NRG1: variants seen among roughly 807,000 people sequenced by gnomAD.
The protein encoded by NRG1 is neuregulin 1, also known as pro-neuregulin-1, membrane-bound isoform.
Under a neutral mutation model 63.8 loss-of-function variants are expected in NRG1, and 18 were observed. The observed-to-expected ratio is 0.28, with a 90% CI of 0.19 to 0.42. The LOEUF (loss-of-function observed/expected upper bound fraction) is 0.42, where lower values mean the gene tolerates loss of function less well. Ranked by LOEUF, NRG1 falls within the 10% of genes least tolerant of loss-of-function variation. The pLI, the probability that NRG1 is intolerant of heterozygous loss-of-function variation, is 1.00. For missense variants in NRG1, 762 were observed against 814.7 expected, an observed-to-expected ratio of 0.94 and a Z score of 0.79; for synonymous variants, 302 against 301.3, an observed-to-expected ratio of 1.00 and a Z score of -0.02.
chr8:32,196,654 A>T (rs1378088874), intron 1 of NRG1, among the ~76,000 whole-genome samples: 1 of 152,144 alleles, frequency 6.6e-6, no homozygotes, highest in Admixed American at 6.5e-5. Flanking sequence ...GCCAACAAGA[A>T]AATAGTTTAA....
intron 1 of NRG1, among the ~76,000 whole-genome samples, chr8:31,866,190 T>A (rs1243323257): frequency 6.6e-6 from 1 of 152,178 alleles, no homozygotes; most frequent in Non-Finnish European, 1.5e-5. Context: ...TAACTCTAGT[T>A]CAGTATCATG....
At chr8:32,242,399 G>A (rs1367011920) in intron 1 of NRG1, among the ~76,000 whole-genome samples, 2 of 152,070 alleles carry the variant, frequency 1.3e-5, no homozygotes, top group African/African-American at 4.8e-5. Context: ...ACTTGAACCC[G>A]GGAGGCGGAG....
intron 1 of NRG1, among the ~76,000 whole-genome samples, chr8:32,056,890 G>T (rs985225218): frequency 1.3e-5 from 2 of 152,182 alleles, no homozygotes; most frequent in Non-Finnish European, 2.9e-5. Context: ...ATGGCAAAGA[G>T]ATAGTAAAGT....
chr8:32,548,940 C>A, intron 1 of NRG1, 114 bp downstream of exon 1: 1 of 1,329,500 alleles, frequency 7.5e-7, no homozygotes, highest in Non-Finnish European at 9.9e-7. Flanking sequence ...GTCCTCTTCG[C>A]CCTGCGCTCT....
intron 1 of NRG1, among the ~76,000 whole-genome samples, chr8:32,161,800 C>T (rs1422158668): frequency 3.3e-5 from 5 of 152,196 alleles, no homozygotes; most frequent in African/African-American, 4.8e-5. Context: ...TTCAAGGTCA[C>T]GCTGACGTTG....
At chr8:31,867,356 T>C (rs16878385) in intron 1 of NRG1, among the ~76,000 whole-genome samples, 9,063 of 152,210 alleles carry the variant, frequency 0.06, 344 homozygotes, top group Admixed American at 0.12. Context: ...GTTTAAGGGT[T>C]TTGCCTAACA....
At chr8:32,111,530 G>A (rs926471150) in intron 1 of NRG1, among the ~76,000 whole-genome samples, 1 of 152,180 alleles carries the variant, frequency 6.6e-6, no homozygotes, top group Non-Finnish European at 1.5e-5. Flanking sequence ...CATTTTGCTT[G>A]TCTAGCAGAC....
intron 1 of NRG1, among the ~76,000 whole-genome samples, chr8:31,862,497 T>C (rs565372708): frequency 6.6e-6 from 1 of 152,330 alleles, no homozygotes; most frequent in Non-Finnish European, 1.5e-5. Context: ...TCTTGTAAAC[T>C]ATTTGCTCTG....
Position 32,742,986 on chromosome 8 carries a change from A to G in NRG1, c.691+253A>G, listed in dbSNP as rs989283274. 2.3e-6 allele frequency: 3 copies of G among 1,314,178 alleles called. No individual in the cohort carries two copies. Among genetic ancestry groups the G allele is most frequent in the Admixed American group, 3.2e-5 (1 of 30,924 alleles). 81.4% of individuals were successfully genotyped at this position (1,314,178 alleles called of 1,614,324 possible). On this transcript the variant is annotated intron_variant, in intron 7 of 11. Transcript: ENST00000356819. The surrounding 1 kb of genome is among the most constrained non-coding windows in gnomAD (Gnocchi z 4.2). ...CGGATGTTTCTGGAATTGATATTGA[A>G]TGATGTGATACAAATTGATAGTCAA...
intron 1 of NRG1, among the ~76,000 whole-genome samples, chr8:32,434,926 A>G (rs1227463173): frequency 6.6e-6 from 1 of 152,176 alleles, no homozygotes; most frequent in African/African-American, 2.4e-5. Flanking sequence ...TTATATGCAA[A>G]TATGCTATTT....
At chr8:31,930,296 A>T (rs1047904020) in intron 1 of NRG1, among the ~76,000 whole-genome samples, 9 of 152,204 alleles carry the variant, frequency 5.9e-5, no homozygotes, top group African/African-American at 2.2e-4. Flanking sequence ...AGTTTAAAAG[A>T]TCATTTATTG....
chr8:31,818,220 G>A (rs1402693368), intron 1 of NRG1, among the ~76,000 whole-genome samples: 1 of 152,158 alleles, frequency 6.6e-6, no homozygotes, highest in Non-Finnish European at 1.5e-5. Context: ...CATACTTATT[G>A]TCAGGTGCTG....
intron 5 of NRG1, among the ~76,000 whole-genome samples, chr8:32,714,331 G>C (rs1818626284): frequency 6.6e-6 from 1 of 152,146 alleles, no homozygotes; most frequent in South Asian, 2.1e-4. Context: ...GGTGTTTAAA[G>C]GCTTAAATTG....
intron 1 of NRG1, among the ~76,000 whole-genome samples, chr8:31,762,098 C>T (rs1817621161): frequency 6.6e-6 from 1 of 151,910 alleles, no homozygotes; most frequent in Non-Finnish European, 1.5e-5. Flanking sequence ...TTAAAAATTT[C>T]TTCTAAAAAA....
intron 1 of NRG1, among the ~76,000 whole-genome samples, chr8:31,746,685 T>C (rs1815905713): frequency 6.6e-6 from 1 of 151,980 alleles, no homozygotes. Flanking sequence ...TAAATCAGTA[T>C]ATCAAAGAGG....
At chr8:31,799,615 C>A (rs992075422) in intron 1 of NRG1, among the ~76,000 whole-genome samples, 2 of 151,836 alleles carry the variant, frequency 1.3e-5, no homozygotes, top group Non-Finnish European at 2.9e-5. Context: ...ATTTTGCATT[C>A]TAACTTTCTA....
At chr8:31,651,584 G>T (rs1446275747) in intron 1 of NRG1, among the ~76,000 whole-genome samples, 1 of 152,090 alleles carries the variant, frequency 6.6e-6, no homozygotes, top group Admixed American at 6.5e-5. Context: ...GCCAGTGTTG[G>T]GTTCTTTCTC....
intron 1 of NRG1, among the ~76,000 whole-genome samples, chr8:32,272,305 C>T (rs996349085): frequency 9.2e-5 from 14 of 152,108 alleles, no homozygotes; most frequent in Non-Finnish European, 1.8e-4. Context: ...TGGCATCTTC[C>T]TCTTCTTATA....
At chr8:32,094,153 G>C (rs1829574263) in intron 1 of NRG1, among the ~76,000 whole-genome samples, 1 of 152,202 alleles carries the variant, frequency 6.6e-6, no homozygotes, top group African/African-American at 2.4e-5. Context: ...AATTATGAGA[G>C]TTGTGAAGTG....
Sources: allele counts gnomAD v4.1 joint callset (sites outside exome capture counted in the v4.1 genomes callset), GRCh38; gene constraint gnomAD v4.1.1; non-coding constraint Gnocchi (gnomAD v3.1); transcripts MANE v1.5; gene names NCBI Gene and HGNC (gene_info 2026-07-23, HGNC 2026-07-21).